Variants in PLB1 observed in about 807,000 individuals in gnomAD.
PLB1 encodes phospholipase B1, membrane-associated.
In PLB1, 242 loss-of-function variants were observed where a neutral mutation model predicts 227.4. That is an observed-to-expected ratio of 1.06 (90% CI 0.96 to 1.18). The LOEUF (loss-of-function observed/expected upper bound fraction) is 1.18, where lower values mean the gene tolerates loss of function less well. PLB1 is among the 50% of genes most tolerant of loss of function. The pLI, the probability that PLB1 is intolerant of heterozygous loss-of-function variation, is 0.00. For synonymous variants in PLB1, 757 were observed against 682.2 expected (o/e 1.11, Z -1.71); for missense variants, 1,858 against 1,816.3 (o/e 1.02, Z -0.42).
intron 12 of PLB1, 98 bp from the exon 13 acceptor site, chr2:28,541,609 T>C (rs1232770374): frequency 2.4e-6 from 2 of 850,186 alleles, no homozygotes; most frequent in African/African-American, 3.4e-5. Context: ...AAGAGGCAGA[T>C]CCTGTCCCAG....
At chr2:28,582,379 T>C (rs1226798207) in intron 24 of PLB1, 26 bp from the exon 25 acceptor site, 1 of 1,601,040 alleles carries the variant, frequency 6.2e-7, no homozygotes, top group South Asian at 1.1e-5. Context: ...CTCATCCTCT[T>C]GGTGACTGAG....
chr2:28,612,609 CTTTT>C (rs34185578), intron 43 of PLB1, among the ~76,000 whole-genome samples: 4 of 137,426 alleles, frequency 2.9e-5, no homozygotes, highest in Admixed American at 7.3e-5. Flanking sequence ...CTGGTTTTCC[CTTTT>C]TTTTTTTTTT....
Position 28,566,813 on chromosome 2 carries a change from A to G in PLB1, c.1298A>G (p.Asn433Ser), listed in dbSNP as rs1676999397. ...CGTTACAGCGTCGGCGGAGATGAGAACATCGGCACCGTTACCACCCTGGCG... is the reference window on the plus strand; with the variant it reads ...CGTTACAGCGTCGGCGGAGATGAGAGCATCGGCACCGTTACCACCCTGGCG... ...GLSWSVGGDE[N>S]IGTVTTLANI... Residue 433 changes from asparagine (N) to serine (S), a missense_variant, in exon 20 of 58, where the codon AAC (asparagine) becomes AGC (serine). Coordinates refer to ENST00000327757, the MANE Select transcript of PLB1 (RefSeq NM_153021.5). 1 of 1,613,960 alleles carries G rather than the reference A, an allele frequency of 6.2e-7. No individual in the cohort carries two copies. The highest frequency in any genetic ancestry group is 1.3e-5 in the African/African-American group (1 of 74,904).
chr2:28,628,924 C>T (rs536184354), intron 52 of PLB1, among the ~76,000 whole-genome samples, 170 bp from the exon 53 acceptor site: 2 of 152,170 alleles, frequency 1.3e-5, no homozygotes, highest in African/African-American at 2.4e-5. Flanking sequence ...ACCTATAAAG[C>T]GGGGCCACTC....
chr2:28,529,880 T>C, intron 8 of PLB1, 101 bp downstream of exon 8: 1 of 1,089,162 alleles, frequency 9.2e-7, no homozygotes, highest in Non-Finnish European at 1.4e-6. Context: ...TACCATGAAC[T>C]CGGCAACTAG....
At position 28,554,489 on chromosome 2, in the gene PLB1, C is replaced by CTTTTTTTTTTTTTTTTTTTTTT. The variant is rs536476788; in HGVS notation, c.1147+1506_1147+1527dup. On this transcript the variant is annotated intron_variant, in intron 17 of 57. Coordinates refer to ENST00000327757, the MANE Select transcript of PLB1 (RefSeq NM_153021.5). ...CTACAGGCATTATCACCACACCTGC[C>CTTTTTTTTTTTTTTTTTTTTTT]TTTTTTTTTTTTTTTTTTTTTTTTT... 1.9e-3 allele frequency among the ~76,000 whole-genome samples: 164 copies of CTTTTTTTTTTTTTTTTTTTTTT among 85,404 alleles called. 8 individuals are homozygous for CTTTTTTTTTTTTTTTTTTTTTT. The highest frequency in any genetic ancestry group is 5.1e-3 in the East Asian group (11 of 2,136). 56.0% of individuals were successfully genotyped at this position (85,404 alleles called of 152,430 possible).
At chr2:28,571,959 T>C (rs1678085834) in intron 20 of PLB1, among the ~76,000 whole-genome samples, 1 of 152,088 alleles carries the variant, frequency 6.6e-6, no homozygotes, top group African/African-American at 2.4e-5. Flanking sequence ...GGATGTCATA[T>C]CATATATCAA....
chr2:28,516,867 G>C lies in PLB1; in HGVS notation c.115G>C (p.Glu39Gln). Reference protein sequence around the residue: ...KSTLEGQLWPETLKNSPFPCN... With the variant: ...KSTLEGQLWPQTLKNSPFPCN... ...TACATTGGAAGGGCAGCTATGGCCAGAGGTAAGGGCTTTGGCTGGTGGGAG... is the reference window on the plus strand; with the variant it reads ...TACATTGGAAGGGCAGCTATGGCCACAGGTAAGGGCTTTGGCTGGTGGGAG... The change falls in exon 2 of 58, where the codon GAG becomes CAG. Residue 39 changes from glutamate to glutamine, a missense_variant and splice_region_variant. Coordinates refer to ENST00000327757, the MANE Select transcript of PLB1 (RefSeq NM_153021.5). The C allele has an allele frequency of 1.9e-6, 3 of 1,613,614 alleles. No individual in the cohort carries two copies. The highest frequency in any genetic ancestry group is 1.1e-5 in the South Asian group (1 of 91,070).
intron 1 of PLB1, among the ~76,000 whole-genome samples, chr2:28,514,968 C>T (rs1314192584): frequency 6.6e-6 from 1 of 152,172 alleles, no homozygotes; most frequent in East Asian, 1.9e-4. Context: ...GCATGAGCCA[C>T]CATGCCTTGC....
In PLB1 at chr2:28,582,473, G is replaced by C. The variant is rs1189765179; in HGVS notation, c.1701G>C (p.Glu567Asp). 1 of 1,612,024 alleles carries C rather than the reference G, an allele frequency of 6.2e-7. No homozygotes were observed. The highest frequency in any genetic ancestry group is 8.5e-7 in the Non-Finnish European group (1 of 1,178,996). ...TCAACCTGAGGGAGCTGTACCAGGAGAAAAAAGTCTACTGCCCAAGGATGA... is the reference window on the plus strand; with the variant it reads ...TCAACCTGAGGGAGCTGTACCAGGACAAAAAAGTCTACTGCCCAAGGATGA... ...EIVNLRELYQ[E>D]KKVYCPRMIL... is the part of the protein sequence containing the mutation. The change falls in exon 25 of 58, where the codon GAG becomes GAC. Residue 567 changes from glutamate to aspartate, a missense_variant. Transcript: ENST00000327757.
chr2:28,630,524 T>TCCCAGGAGGACAGAGCCACAGTG, intron 53 of PLB1, 62 bp from the exon 54 acceptor site: 1 of 1,470,120 alleles, frequency 6.8e-7, no homozygotes. Context: ...AGAGCCAGCC[T>TCCCAGGAGGACAGAGCCACAGTG]CCCAGGAGGA....
intron 39 of PLB1, among the ~76,000 whole-genome samples, chr2:28,603,296 C>T (rs974651801): frequency 1.3e-5 from 2 of 152,148 alleles, no homozygotes; most frequent in Non-Finnish European, 2.9e-5. Context: ...ACTCAGTTAC[C>T]TTTAGGGGAA....
chr2:28,578,383 A>C (rs1310853376), intron 22 of PLB1, among the ~76,000 whole-genome samples: 1 of 152,226 alleles, frequency 6.6e-6, no homozygotes, highest in Admixed American at 6.5e-5. Context: ...GCAGATGCAC[A>C]AAAGAATACA....
At chr2:28,575,447 C>T (rs1246449007) in intron 21 of PLB1, among the ~76,000 whole-genome samples, 1 of 152,178 alleles carries the variant, frequency 6.6e-6, no homozygotes, top group Non-Finnish European at 1.5e-5. Flanking sequence ...TCCTAGATTT[C>T]CTGACATCCT....
chr2:28,606,543 G>T lies in PLB1; in HGVS notation c.3105G>T (p.Glu1035Asp). 3 of 1,614,236 alleles carry T rather than the reference G, an allele frequency of 1.9e-6. No homozygotes were observed. Among genetic ancestry groups the T allele is most frequent in the Non-Finnish European group, 2.5e-6 (3 of 1,180,040 alleles). Residue 1035 changes from glutamate (E) to aspartate (D), a missense_variant, in exon 43 of 58, where the codon GAG (glutamate) becomes GAT (aspartate). By Grantham distance (45) the Glu-to-Asp change is conservative (BLOSUM62 2). Coordinates refer to ENST00000327757, the MANE Select transcript of PLB1 (RefSeq NM_153021.5). ...SKTETLDLRA[E>D]MPITCPTQNE... The stretch of plus-strand genomic sequence containing the variant: ...CAGAGACCCTGGACCTGAGAGCAGA[G>T]ATGCCCATCACCTGTCCCACTCAGG...
rs767306476 is a variant in PLB1, at chr2:28,543,303, G to A, written c.936+35G>A. 3.1e-5 allele frequency: 49 copies of A among 1,596,934 alleles called. 1 individual carries two copies. The East Asian group carries it at 3.8e-4, about 12-fold the overall frequency. ...TGGGGCCTGGGGTGGGGCCCACAGA[G>A]GAGGGGCAAGGTCTCCACCACCACT... On this transcript the variant is annotated intron_variant, in intron 14 of 57. Transcript: ENST00000327757.
chr2:28,532,962 A>C (rs1177228015), intron 9 of PLB1, among the ~76,000 whole-genome samples: 1 of 152,196 alleles, frequency 6.6e-6, no homozygotes, highest in African/African-American at 2.4e-5. Flanking sequence ...TTAGAAATCT[A>C]AGCCATGGTG....
chr2:28,590,190 A>C, intron 29 of PLB1, 114 bp downstream of exon 29: 1 of 914,778 alleles, frequency 1.1e-6, no homozygotes, highest in East Asian at 2.4e-5. Context: ...CCCATTTTAT[A>C]CTCCAGGGTT....
rs1191640944 is a variant in PLB1 at position 28,566,679 on chromosome 2, A to G, written c.1281-117A>G. The G allele has an allele frequency of 4.4e-6, 5 of 1,148,776 alleles. No homozygotes were observed. In the East Asian group the frequency reaches 9.5e-5, roughly 22 times the overall value. The allele number at this position is 1,148,776 out of a possible 1,614,324, so 71.2% of individuals were successfully genotyped here. On this transcript the variant is annotated intron_variant, in intron 19 of 57. Coordinates refer to ENST00000327757, the MANE Select transcript of PLB1 (RefSeq NM_153021.5). ...TCTACTGAAGTGATGGGGAAAGTGCAAGCTCCAGGCCCCCGGGCTGTTTCT... is the reference window on the plus strand; with the variant it reads ...TCTACTGAAGTGATGGGGAAAGTGCGAGCTCCAGGCCCCCGGGCTGTTTCT...
Sources: allele counts gnomAD v4.1 joint callset (sites outside exome capture counted in the v4.1 genomes callset), GRCh38; gene constraint gnomAD v4.1.1; transcripts MANE v1.5; gene names NCBI Gene and HGNC (gene_info 2026-07-23, HGNC 2026-07-21).